LRIG2: variants seen among roughly 807,000 people sequenced by gnomAD.
LRIG2 encodes the protein leucine-rich repeats and immunoglobulin-like domains protein 2.
In LRIG2, 93 loss-of-function variants were observed where a neutral mutation model predicts 107.8. The ratio of observed to expected loss-of-function variants is 0.86; its 90% CI spans 0.73 to 1.03. LRIG2 has a LOEUF of 1.03. LRIG2 is among the 50% of genes least tolerant of loss of function. The pLI, the probability that LRIG2 is intolerant of heterozygous loss-of-function variation, is 0.00. For missense variants in LRIG2, 1,226 were observed against 1,296.0 expected (o/e 0.95, Z 0.83); for synonymous variants, 471 against 470.6 (o/e 1.00, Z -0.01).
At chr1:113,078,731 C>T (rs887078947) in intron 1 of LRIG2, among the ~76,000 whole-genome samples, 2 of 151,378 alleles carry the variant, frequency 1.3e-5, no homozygotes, top group South Asian at 4.2e-4. Flanking sequence ...ACCTCCACTT[C>T]CCAGGTTCAA....
rs559740302 is a variant in LRIG2 at position 113,116,283 on chromosome 1, A to G, written c.2531-4A>G. 1.2e-5 allele frequency: 19 copies of G among 1,610,046 alleles called. No homozygotes were observed. Among genetic ancestry groups the G allele is most frequent in the Non-Finnish European group, 1.5e-5 (18 of 1,177,794 alleles). ...TTTGAGAGTTAAAAATGTCTCTTTT[A>G]CAGAGGAGCTCAATCTGCCTGCAGA... On this transcript the variant is annotated splice_polypyrimidine_tract_variant and splice_region_variant and intron_variant, in intron 15 of 17. Coordinates refer to ENST00000361127, the MANE Select transcript of LRIG2 (RefSeq NM_014813.3).
intron 1 of LRIG2, among the ~76,000 whole-genome samples, chr1:113,084,477 A>G (rs1051290675): frequency 6.6e-6 from 1 of 152,068 alleles, no homozygotes; most frequent in Non-Finnish European, 1.5e-5. Flanking sequence ...GGCCTCCCAA[A>G]GTACTGGGAT....
At chr1:113,085,585 A>C (rs1289751149) in intron 1 of LRIG2, among the ~76,000 whole-genome samples, 1 of 152,162 alleles carries the variant, frequency 6.6e-6, no homozygotes, top group Non-Finnish European at 1.5e-5. Flanking sequence ...TGCGCGGTCT[A>C]TCCTGAAGAT....
At chr1:113,079,234 G>A (rs763612954) in intron 1 of LRIG2, among the ~76,000 whole-genome samples, 2 of 151,726 alleles carry the variant, frequency 1.3e-5, no homozygotes, top group Non-Finnish European at 2.9e-5. Context: ...TCTAGTCCCA[G>A]TTACTTGGGG....
chr1:113,094,258 C>T, intron 4 of LRIG2, 81 bp from the exon 5 acceptor site: 1 of 978,948 alleles, frequency 1.0e-6, no homozygotes. Context: ...GGGGCTTAGA[C>T]ATAGATTTTT....
intron 11 of LRIG2, among the ~76,000 whole-genome samples, chr1:113,104,798 C>T (rs999337575): frequency 1.1e-4 from 17 of 152,186 alleles, no homozygotes; most frequent in African/African-American, 3.6e-4. Context: ...TTATTTTAGA[C>T]GTGATACTGA....
At position 113,093,572 on chromosome 1, in the gene LRIG2, A is replaced by T; in HGVS notation, c.515+8A>T. The T allele has an allele frequency of 1.3e-6, 2 of 1,500,226 alleles. No individual in the cohort carries two copies. The highest frequency in any genetic ancestry group is 1.8e-6 in the Non-Finnish European group (2 of 1,109,530). 92.9% of individuals were successfully genotyped at this position (1,500,226 alleles called of 1,614,324 possible). A position where few individuals can be genotyped will look rare whatever the true frequency, so the allele number is the denominator to read the frequency against. Reference sequence around the variant, plus strand: ...CATGCAGCTTAAATACCTGTAAGTAACACAGATTAAATTAGATTTACTTTA... The same window carrying T: ...CATGCAGCTTAAATACCTGTAAGTATCACAGATTAAATTAGATTTACTTTA... On this transcript the variant is annotated splice_region_variant and intron_variant, in intron 4 of 17. Transcript: ENST00000361127.
chr1:113,108,791 C>T (rs185973406), intron 12 of LRIG2, among the ~76,000 whole-genome samples: 9 of 152,110 alleles, frequency 5.9e-5, no homozygotes, highest in East Asian at 2.0e-4. Context: ...GCAGGAGAAT[C>T]GCTTGAACCG....
rs1487106507 is a variant in LRIG2 at position 113,128,976 on chromosome 1, C to T, written c.*4875C>T. 2.0e-5 allele frequency: 3 copies of T among 151,998 alleles called. No individual in the cohort carries two copies. The highest frequency in any genetic ancestry group is 2.9e-5 in the Non-Finnish European group (2 of 68,036). 9.4% of individuals were successfully genotyped at this position (151,998 alleles called of 1,614,324 possible). On this transcript the variant is annotated 3_prime_UTR_variant, in exon 18 of 18. Coordinates refer to ENST00000361127, the MANE Select transcript of LRIG2 (RefSeq NM_014813.3). ...AGAGACTGTGCCAATGAGCATCACC[C>T]GTCATGTGTGAGAGAGCAGAAGATA...
intron 1 of LRIG2, among the ~76,000 whole-genome samples, chr1:113,090,966 C>T (rs1041843128): frequency 3.3e-5 from 5 of 151,850 alleles, no homozygotes; most frequent in African/African-American, 7.3e-5. Context: ...ATTCTCCTGC[C>T]TCAGCCTCCT....
rs1224903849 is a variant in LRIG2 at position 113,126,981 on chromosome 1, G to A, written c.*2880G>A. On this transcript the variant is annotated 3_prime_UTR_variant, in exon 18 of 18. Transcript: ENST00000361127. Reference sequence around the variant, plus strand: ...TGTCTTGAAGAACAGCTGGAAAGTTGTCTGGCTGTTATGACACAGTATTGA... The same window carrying A: ...TGTCTTGAAGAACAGCTGGAAAGTTATCTGGCTGTTATGACACAGTATTGA... The A allele has an allele frequency of 6.5e-6, 1 of 153,004 alleles. No individual in the cohort carries two copies. The highest frequency in any genetic ancestry group is 1.5e-5 in the Non-Finnish European group (1 of 68,054). 9.5% of individuals were successfully genotyped at this position (153,004 alleles called of 1,614,324 possible).
intron 12 of LRIG2, among the ~76,000 whole-genome samples, chr1:113,108,585 A>G (rs568023236): frequency 6.6e-6 from 1 of 150,520 alleles, no homozygotes; most frequent in African/African-American, 2.4e-5. Flanking sequence ...TTACACTTAA[A>G]TGTCCTTTAG....
At position 113,110,177 on chromosome 1, in the gene LRIG2, T is replaced by A. The variant is rs564191656; in HGVS notation, c.1478-65T>A. ...GAACACACAATTTTATAGTATTTTT[T>A]AAAATTGAATCTAAAGCAAAAATAA... is the stretch of plus-strand genomic sequence containing the variant. On this transcript the variant is annotated intron_variant, in intron 12 of 17. Transcript: ENST00000361127. The A allele has an allele frequency of 9.5e-5, 112 of 1,183,934 alleles. No homozygotes were observed. In the African/African-American group the frequency reaches 1.4e-3, roughly 15 times the overall value. The allele number at this position is 1,183,934 out of a possible 1,614,324, so 73.3% of individuals were successfully genotyped here. A position where few individuals can be genotyped will look rare whatever the true frequency, so the allele number is the denominator to read the frequency against.
chr1:113,114,661 T>G lies in LRIG2; in HGVS notation c.2315T>G (p.Leu772Arg). Residue 772 changes from leucine to arginine, a missense_variant, in exon 15 of 18, where the codon CTT (leucine) becomes CGT (arginine). By Grantham distance (102) the Leu-to-Arg change is moderately radical. Around this residue, in one of 3 missense-constraint regions of LRIG2, gnomAD observed 642 missense variants for 712.2 expected, o/e 0.90. Coordinates refer to ENST00000361127, the MANE Select transcript of LRIG2 (RefSeq NM_014813.3). ...TATACCTGCATTATGTCTAACACCC[T>G]TGGGACAGAACGTGGCCACATTTAC... is the stretch of plus-strand genomic sequence containing the variant. ...GKYTCIMSNT[L>R]GTERGHIYLN... is the part of the protein sequence containing the mutation. The G allele has an allele frequency of 6.2e-7, 1 of 1,614,138 alleles. No homozygotes were observed.
intron 15 of LRIG2, among the ~76,000 whole-genome samples, chr1:113,115,822 G>A (rs193280963): frequency 1.5e-4 from 23 of 152,250 alleles, no homozygotes; most frequent in Admixed American, 8.5e-4. Context: ...CACCACGCCC[G>A]GCCAAACTTT....
At chr1:113,075,188 G>C (rs535512542) in intron 1 of LRIG2, among the ~76,000 whole-genome samples, 4 of 151,538 alleles carry the variant, frequency 2.6e-5, no homozygotes, top group African/African-American at 9.7e-5. Context: ...CTCCAGCCTG[G>C]GCAACAAGAG....
intron 12 of LRIG2, among the ~76,000 whole-genome samples, chr1:113,109,296 G>A (rs1384863885): frequency 6.6e-6 from 1 of 152,126 alleles, no homozygotes; most frequent in Non-Finnish European, 1.5e-5. Flanking sequence ...CTCTCAATCA[G>A]TCCAATAACA....
chr1:113,114,894 G>T lies in LRIG2; in HGVS notation c.2530+18G>T. On this transcript the variant is annotated intron_variant, in intron 15 of 17. Transcript: ENST00000361127. ...AAACACAGGTAAGTAGTACCCACATGACACCTATGGCTTGTACTTCAGTCA... is the reference window on the plus strand; with the variant it reads ...AAACACAGGTAAGTAGTACCCACATTACACCTATGGCTTGTACTTCAGTCA... 6.4e-7 allele frequency: 1 copy of T among 1,565,856 alleles called. No individual in the cohort carries two copies. The highest frequency in any genetic ancestry group is 1.1e-5 in the South Asian group (1 of 87,024).
At chr1:113,116,853 C>T (rs1003494564) in intron 16 of LRIG2, among the ~76,000 whole-genome samples, 3 of 152,124 alleles carry the variant, frequency 2.0e-5, no homozygotes, top group Non-Finnish European at 2.9e-5. Flanking sequence ...GGTGGCATGC[C>T]TGTAGTCCCA....
Sources: gnomAD v4.1 joint callset for allele counts (sites outside exome capture counted in the v4.1 genomes callset) on GRCh38, gnomAD v4.1.1 for gene constraint, gnomAD v4.1.1 regional missense constraint, MANE v1.5 for transcripts, NCBI Gene and HGNC (gene_info 2026-07-23, HGNC 2026-07-21) for gene names.